Variants in GBE1 observed in about 807,000 individuals in gnomAD.
The protein encoded by GBE1 is 1,4-alpha-glucan-branching enzyme.
A neutral mutation model predicts 88.8 loss-of-function variants in GBE1; 70 were observed. The observed-to-expected ratio is 0.79, with a 90% CI of 0.65 to 0.96. The LOEUF (loss-of-function observed/expected upper bound fraction) is 0.96. Among genes scored for constraint, GBE1 ranks in the 40% least tolerant of loss-of-function variants. The pLI, the probability that GBE1 is intolerant of heterozygous loss-of-function variation, is 0.00. For synonymous variants in GBE1, 284 were observed against 300.1 expected, an observed-to-expected ratio of 0.95 and a Z score of 0.56; for missense variants, 872 against 871.0, an observed-to-expected ratio of 1.00 and a Z score of -0.01.
intron 2 of GBE1, among the ~76,000 whole-genome samples, chr3:81,678,448 CTT>C (rs573568705): frequency 2.0e-5 from 3 of 152,146 alleles, no homozygotes; most frequent in South Asian, 2.1e-4. Flanking sequence ...AAGTATGTGT[CTT>C]TATTTCTAAA....
chr3:81,664,278 A>C (rs1166750556), intron 3 of GBE1, among the ~76,000 whole-genome samples: 1 of 152,128 alleles, frequency 6.6e-6, no homozygotes, highest in East Asian at 1.9e-4. Flanking sequence ...CACATCTGGA[A>C]TATCAGAAAG....
At chr3:81,569,410 T>G (rs977128170) in intron 12 of GBE1, among the ~76,000 whole-genome samples, 1 of 152,238 alleles carries the variant, frequency 6.6e-6, no homozygotes, top group African/African-American at 2.4e-5. Flanking sequence ...TTTTTGACCT[T>G]GTTGTTCTGC....
chr3:81,524,313 T>C (rs1421089462), intron 14 of GBE1, among the ~76,000 whole-genome samples: 1 of 151,858 alleles, frequency 6.6e-6, no homozygotes, highest in Admixed American at 6.6e-5. Context: ...TATATTCAGA[T>C]CTTCTGCCCA....
chr3:81,649,756 T>G, intron 4 of GBE1, 40 bp downstream of exon 4: 1 of 1,538,090 alleles, frequency 6.5e-7, no homozygotes, highest in Non-Finnish European at 8.8e-7. Flanking sequence ...TTCCTAGAAA[T>G]ATTGGAACAA....
intron 9 of GBE1, among the ~76,000 whole-genome samples, chr3:81,588,731 T>A (rs897755479): frequency 6.6e-6 from 1 of 152,140 alleles, no homozygotes; most frequent in South Asian, 2.1e-4. Flanking sequence ...CCCTCTCTAG[T>A]TCTGTTTTCT....
chr3:81,551,991 G>C (rs1344289860), intron 12 of GBE1, among the ~76,000 whole-genome samples: 1 of 152,142 alleles, frequency 6.6e-6, no homozygotes, highest in Non-Finnish European at 1.5e-5. Flanking sequence ...CTCTACCCCT[G>C]CTCTCCCAGT....
At chr3:81,699,250 T>C (rs1411255415) in intron 2 of GBE1, among the ~76,000 whole-genome samples, 1 of 152,178 alleles carries the variant, frequency 6.6e-6, no homozygotes. Flanking sequence ...AAACGACTCC[T>C]TGAAGGTCTC....
intron 12 of GBE1, among the ~76,000 whole-genome samples, chr3:81,537,500 G>A (rs1703093232): frequency 6.6e-6 from 1 of 151,978 alleles, no homozygotes; most frequent in Non-Finnish European, 1.5e-5. Flanking sequence ...GGCTTTGTAT[G>A]TAGGTTATTT....
At chr3:81,571,278 G>A (rs1264099737) in intron 12 of GBE1, among the ~76,000 whole-genome samples, 1 of 152,180 alleles carries the variant, frequency 6.6e-6, no homozygotes, top group Non-Finnish European at 1.5e-5. Context: ...AGTTTGATTT[G>A]AATGAATTAA....
intron 1 of GBE1, among the ~76,000 whole-genome samples, chr3:81,721,561 G>T (rs540158224): frequency 1.3e-5 from 2 of 152,062 alleles, no homozygotes; most frequent in African/African-American, 4.8e-5. Flanking sequence ...CTGAGTTCAC[G>T]GAGAGCTTTG....
intron 3 of GBE1, among the ~76,000 whole-genome samples, chr3:81,664,519 T>C (rs1705083298): frequency 6.7e-6 from 1 of 150,136 alleles, no homozygotes; most frequent in East Asian, 1.9e-4. Flanking sequence ...CAGCTGGGCC[T>C]AAAACGCCCC....
Position 81,538,354 on chromosome 3 carries a change from CCACATT to C in GBE1, c.1619-1265_1619-1260del, listed in dbSNP as rs527402652. Among the ~76,000 whole-genome samples, 612 of 152,012 alleles carry C rather than the reference CCACATT, an allele frequency of 4.0e-3. 1 individual carries two copies. Among genetic ancestry groups the C allele is most frequent in the African/African-American group, 0.013 (531 of 41,526 alleles). ...GCAACTTACATTTAACTTTTCAGGA[CCACATT>C]CATCCAAATAAAAATATCATCCAAA... On this transcript the variant is annotated intron_variant, in intron 12 of 15. Coordinates refer to ENST00000429644, the MANE Select transcript of GBE1 (RefSeq NM_000158.4).
chr3:81,534,211 A>G (rs1703044654), intron 14 of GBE1, among the ~76,000 whole-genome samples: 1 of 150,986 alleles, frequency 6.6e-6, no homozygotes, highest in Non-Finnish European at 1.5e-5. Context: ...TGAATCTGTC[A>G]TTTTTTTCAT....
At chr3:81,750,555 ATATATATGTATATATATATACG>A (rs1706487087) in intron 1 of GBE1, among the ~76,000 whole-genome samples, 2 of 84,112 alleles carry the variant, frequency 2.4e-5, no homozygotes, top group African/African-American at 1.3e-4. Context: ...ATATATGTAT[ATATATATGTATATATATATACG>A]TATATATATA....
chr3:81,547,657 C>G lies in GBE1; in HGVS notation c.1619-10562G>C, dbSNP rs868519455. Among the ~76,000 whole-genome samples the G allele has an allele frequency of 1.5e-5, 2 of 134,434 alleles. 1 individual carries two copies. The highest frequency in any genetic ancestry group is 3.3e-5 in the Non-Finnish European group (2 of 60,218). The allele number at this position is 134,434 out of a possible 152,430, so 88.2% of individuals were successfully genotyped here. On this transcript the variant is annotated intron_variant, in intron 12 of 15. Coordinates refer to ENST00000429644, the MANE Select transcript of GBE1 (RefSeq NM_000158.4). ...TCTCTCTCTCTCTCTCTCTCTCTCT[C>G]TCTCTCTCTCTTTCTCCCTCTGGGC...
At chr3:81,543,153 C>T (rs1020396746) in intron 12 of GBE1, among the ~76,000 whole-genome samples, 9 of 151,978 alleles carry the variant, frequency 5.9e-5, no homozygotes, top group South Asian at 2.1e-4. Flanking sequence ...ATTCAAAATA[C>T]GGTAATGATT....
At chr3:81,497,850 T>G (rs1023198875) in intron 15 of GBE1, among the ~76,000 whole-genome samples, 2 of 152,190 alleles carry the variant, frequency 1.3e-5, no homozygotes, top group Non-Finnish European at 1.5e-5. Flanking sequence ...AACTTTATGG[T>G]AATATTCGTA....
At chr3:81,521,767 G>C (rs773674199) in intron 14 of GBE1, among the ~76,000 whole-genome samples, 9 of 151,394 alleles carry the variant, frequency 5.9e-5, no homozygotes, top group Non-Finnish European at 1.3e-4. Flanking sequence ...ACTTTTCCAA[G>C]TTTAATGTTA....
chr3:81,585,655 G>C (rs1449010650), intron 10 of GBE1, among the ~76,000 whole-genome samples: 1 of 152,152 alleles, frequency 6.6e-6, no homozygotes, highest in Non-Finnish European at 1.5e-5. Flanking sequence ...TTGAATAAAG[G>C]AATGGATGAA....
Sources: gnomAD v4.1 joint callset for allele counts (sites outside exome capture counted in the v4.1 genomes callset) on GRCh38, gnomAD v4.1.1 for gene constraint, MANE v1.5 for transcripts, NCBI Gene and HGNC (gene_info 2026-07-23, HGNC 2026-07-21) for gene names.